Variants in SYN3 observed in about 807,000 individuals in gnomAD.
SYN3 encodes the protein synapsin-3.
SYN3 carries 35 observed loss-of-function variants against 65.8 expected under a neutral mutation model. The observed-to-expected ratio is 0.53, with a 90% CI of 0.41 to 0.70. SYN3 has a LOEUF of 0.70. Ranked by LOEUF, SYN3 falls within the 30% of genes least tolerant of loss-of-function variation. The pLI, the probability that SYN3 is intolerant of heterozygous loss-of-function variation, is 0.00. For synonymous variants in SYN3, 270 were observed against 292.9 expected (o/e 0.92, Z 0.80); for missense variants, 680 against 749.0 (o/e 0.91, Z 1.08).
At chr22:32,762,258 C>A (rs2045504268) in intron 6 of SYN3, among the ~76,000 whole-genome samples, 1 of 152,058 alleles carries the variant, frequency 6.6e-6, no homozygotes, top group Non-Finnish European at 1.5e-5. Flanking sequence ...TGCGTCCTTC[C>A]CCAGGGTTAT....
intron 6 of SYN3, among the ~76,000 whole-genome samples, chr22:32,836,868 G>A (rs2047746437): frequency 6.6e-6 from 1 of 152,208 alleles, no homozygotes; most frequent in East Asian, 1.9e-4. Context: ...CATCTGTGCT[G>A]TATAAAATCC....
chr22:32,858,290 T>A, intron 6 of SYN3: 2 of 1,116,608 alleles, frequency 1.8e-6, no homozygotes, highest in Non-Finnish European at 2.5e-6. Flanking sequence ...GCAGATATAG[T>A]AAGGATTGTT....
intron 4 of SYN3, among the ~76,000 whole-genome samples, chr22:32,881,507 G>A (rs2049136254): frequency 6.6e-6 from 1 of 152,140 alleles, no homozygotes; most frequent in Non-Finnish European, 1.5e-5. Flanking sequence ...AGACTGAGAA[G>A]CTGGGCCCAA....
At chr22:32,609,976 T>C (rs1293690679) in intron 6 of SYN3, among the ~76,000 whole-genome samples, 1 of 152,090 alleles carries the variant, frequency 6.6e-6, no homozygotes, top group Non-Finnish European at 1.5e-5. Flanking sequence ...TGAAGGAAAC[T>C]AGTCATAAAA....
At chr22:32,723,893 A>G (rs1006357479) in intron 6 of SYN3, among the ~76,000 whole-genome samples, 33 of 152,348 alleles carry the variant, frequency 2.2e-4, no homozygotes, top group African/African-American at 7.7e-4. Flanking sequence ...TCAGGAACCT[A>G]GCCCTGGTGC....
intron 6 of SYN3, among the ~76,000 whole-genome samples, chr22:32,689,926 A>C (rs1359017434): frequency 6.6e-6 from 1 of 152,144 alleles, no homozygotes; most frequent in African/African-American, 2.4e-5. Context: ...CTGTAATCCC[A>C]GCATTTTGGG....
intron 12 of SYN3, among the ~76,000 whole-genome samples, chr22:32,524,540 G>T (rs1432805970): frequency 6.6e-6 from 1 of 152,194 alleles, no homozygotes; most frequent in Non-Finnish European, 1.5e-5. Flanking sequence ...TTGAGACCTA[G>T]TGTTCAGAAA....
intron 6 of SYN3, chr22:32,857,414 T>A: frequency 2.2e-6 from 3 of 1,353,510 alleles, no homozygotes; most frequent in Non-Finnish European, 3.2e-6. Flanking sequence ...CCACTGTTTC[T>A]TGACTTCAGA....
At position 32,825,527 on chromosome 22, in the gene SYN3, C is replaced by T. The variant is rs554704459; in HGVS notation, c.711+39388G>A. 4.6e-4 allele frequency among the ~76,000 whole-genome samples: 69 copies of T among 151,458 alleles called. 2 individuals carry two copies. The South Asian group carries it at 0.012, about 27-fold the overall frequency. ...TACAAAAATTAGCTGGGTGTGGTGG[C>T]GGGCGCCTGTAATCCCAGCTACTCG... is the stretch of plus-strand genomic sequence containing the variant. On this transcript the variant is annotated intron_variant, in intron 6 of 13. Transcript: ENST00000358763.
At chr22:32,531,994 ATT>A (rs34233779) in intron 10 of SYN3, among the ~76,000 whole-genome samples, 9 of 143,494 alleles carry the variant, frequency 6.3e-5, no homozygotes, top group South Asian at 4.5e-4. Flanking sequence ...ATGAACACAG[ATT>A]TTTTTTTTTT....
rs538391323 is a variant in SYN3 at position 32,894,628 on chromosome 22, G to A, written c.462-25503C>T. ...TGATGCCTCCACCTGTGGCAGTCAA[G>A]TTGGGACAGCAAGATGGTTCATCTT... On this transcript the variant is annotated intron_variant, in intron 4 of 13. Coordinates refer to ENST00000358763, the MANE Select transcript of SYN3 (RefSeq NM_003490.4). 2.0e-5 allele frequency among the ~76,000 whole-genome samples: 3 copies of A among 152,338 alleles called. No homozygotes were observed. The South Asian group carries it at 6.2e-4, about 32-fold the overall frequency.
chr22:32,605,346 A>G (rs1380518882), intron 6 of SYN3, among the ~76,000 whole-genome samples: 1 of 152,032 alleles, frequency 6.6e-6, no homozygotes, highest in Non-Finnish European at 1.5e-5. Context: ...TAGGAGTTTG[A>G]ACTGTGTTTC....
At chr22:33,036,531 G>A (rs1015690046) in intron 1 of SYN3, among the ~76,000 whole-genome samples, 22 of 152,018 alleles carry the variant, frequency 1.4e-4, no homozygotes, top group South Asian at 4.2e-4. Flanking sequence ...AGGCACCAGA[G>A]GCATCTATAT....
chr22:32,797,970 T>A (rs548122343), intron 6 of SYN3, among the ~76,000 whole-genome samples: 4 of 152,378 alleles, frequency 2.6e-5, no homozygotes, highest in Admixed American at 6.5e-5. Context: ...ACAGCTATTC[T>A]GCAACATTGG....
At chr22:32,539,186 G>A (rs135477) in intron 8 of SYN3, among the ~76,000 whole-genome samples, 54,236 of 151,982 alleles carry the variant, frequency 0.36, 10,159 homozygotes, top group East Asian at 0.7. Flanking sequence ...GAAAATTGAA[G>A]TAAAAATGCT....
intron 6 of SYN3, among the ~76,000 whole-genome samples, chr22:32,601,418 C>A (rs1030577374): frequency 6.6e-6 from 1 of 152,142 alleles, no homozygotes; most frequent in East Asian, 1.9e-4. Flanking sequence ...GCTGGGACTA[C>A]AGGCGCCCGC....
chr22:32,599,375 G>A (rs1034759373), intron 6 of SYN3, among the ~76,000 whole-genome samples: 1 of 151,326 alleles, frequency 6.6e-6, no homozygotes, highest in Non-Finnish European at 1.5e-5. Flanking sequence ...AGGCTGGAGT[G>A]CAGTGGTGCG....
intron 6 of SYN3, among the ~76,000 whole-genome samples, chr22:32,679,629 T>C (rs2060494264): frequency 6.6e-6 from 1 of 152,136 alleles, no homozygotes. Context: ...TTCCATAGCT[T>C]CATCAACACT....
intron 5 of SYN3, among the ~76,000 whole-genome samples, chr22:32,868,405 A>G (rs1419288728): frequency 2.0e-5 from 3 of 151,446 alleles, no homozygotes; most frequent in Non-Finnish European, 2.9e-5. Flanking sequence ...TGTATAATAT[A>G]TAACATGTAT....
Sources: allele counts gnomAD v4.1 joint callset (sites outside exome capture counted in the v4.1 genomes callset), GRCh38; gene constraint gnomAD v4.1.1; transcripts MANE v1.5; gene names NCBI Gene and HGNC (gene_info 2026-07-23, HGNC 2026-07-21).